Variants in CNTN4 observed in about 807,000 individuals in gnomAD.
CNTN4 encodes the protein contactin-4.
CNTN4 carries 77 observed loss-of-function variants against 122.5 expected under a neutral mutation model. That is an observed-to-expected ratio of 0.63 (90% confidence interval 0.52 to 0.76). The LOEUF (loss-of-function observed/expected upper bound fraction) is 0.76. Among genes scored for constraint, CNTN4 ranks in the 30% least tolerant of loss-of-function variants. The probability of loss-of-function intolerance (pLI) is 0.00; values close to 1 mark genes in which losing one functional copy is unlikely to be tolerated. For synonymous variants in CNTN4, 512 were observed against 447.0 expected, an observed-to-expected ratio of 1.15 and a Z score of -1.83; for missense variants, 1,256 against 1,259.1, an observed-to-expected ratio of 1.00 and a Z score of 0.04.
At chr3:2,257,161 C>G (rs986943323) in intron 2 of CNTN4, among the ~76,000 whole-genome samples, 9 of 152,212 alleles carry the variant, frequency 5.9e-5, no homozygotes, top group Admixed American at 2.0e-4. Flanking sequence ...TGATCTTTGA[C>G]TAACCTGAGA....
chr3:2,115,680 T>G, intron 2 of CNTN4, among the ~76,000 whole-genome samples: 1 of 152,182 alleles, frequency 6.6e-6, no homozygotes, highest in Admixed American at 6.5e-5. Flanking sequence ...TCTCTATTGG[T>G]TTTCAAGTTG....
intron 3 of CNTN4, among the ~76,000 whole-genome samples, chr3:2,448,844 T>C (rs1177697313): frequency 6.6e-6 from 1 of 152,100 alleles, no homozygotes; most frequent in African/African-American, 2.4e-5. Context: ...GCAGATTAAG[T>C]AAAAATGTAT....
chr3:2,256,482 C>T (rs1167354879), intron 2 of CNTN4, among the ~76,000 whole-genome samples: 1 of 152,190 alleles, frequency 6.6e-6, no homozygotes, highest in Middle Eastern at 3.4e-3. Context: ...GGCAGAGACA[C>T]AACAAAAAAA....
At chr3:2,575,293 C>T (rs905655274) in intron 4 of CNTN4, among the ~76,000 whole-genome samples, 1 of 152,032 alleles carries the variant, frequency 6.6e-6, no homozygotes, top group Admixed American at 6.6e-5. Context: ...GGGCGGACCA[C>T]TTAAGGCCAG....
intron 3 of CNTN4, among the ~76,000 whole-genome samples, chr3:2,371,301 G>C (rs1166459410): frequency 6.6e-6 from 1 of 152,098 alleles, no homozygotes; most frequent in African/African-American, 2.4e-5. Flanking sequence ...TTCTTTTGTA[G>C]CACTTATTCA....
chr3:2,724,624 G>A (rs979630001), intron 4 of CNTN4, among the ~76,000 whole-genome samples: 4 of 152,150 alleles, frequency 2.6e-5, no homozygotes, highest in Admixed American at 2.6e-4. Flanking sequence ...TACTTTAGCT[G>A]CCAAAGAGAC....
chr3:2,144,460 A>T (rs2035148929), intron 2 of CNTN4, among the ~76,000 whole-genome samples: 1 of 152,210 alleles, frequency 6.6e-6, no homozygotes. Flanking sequence ...CAAGCACTAG[A>T]GTGAAGAATT....
chr3:2,905,140 T>G (rs569433496), intron 12 of CNTN4, among the ~76,000 whole-genome samples: 1 of 152,204 alleles, frequency 6.6e-6, no homozygotes, highest in Non-Finnish European at 1.5e-5. Flanking sequence ...GTTCCAACTT[T>G]TACATTAAGG....
At chr3:2,950,518 G>A (rs1258603723) in intron 13 of CNTN4, among the ~76,000 whole-genome samples, 1 of 152,318 alleles carries the variant, frequency 6.6e-6, no homozygotes, top group South Asian at 2.1e-4. Context: ...ATCCAGATGA[G>A]GTTATTTGCT....
In CNTN4 at chr3:3,040,172, G is replaced by A. The variant is rs200039799; in HGVS notation, c.2299G>A (p.Val767Met). 2.9e-5 allele frequency: 47 copies of A among 1,614,138 alleles called. 1 individual carries two copies. Among genetic ancestry groups the A allele is most frequent in the South Asian group, 1.2e-4 (11 of 91,082 alleles). ...ASRYVFRNESVHPFSPFEVKV... is the reference protein window; with the variant it reads ...ASRYVFRNESMHPFSPFEVKV... ...TAGATACGTGTTCAGGAATGAGAGC[G>A]TGCACCCCTTCTCTCCCTTTGAGGT... Residue 767 changes from valine (V) to methionine (M), a missense_variant, in exon 20 of 25, where the codon GTG (valine) becomes ATG (methionine). Val to Met is a conservative substitution (Grantham distance 21). Coordinates refer to ENST00000418658, the MANE Select transcript of CNTN4 (RefSeq NM_175607.3).
In CNTN4 at chr3:2,606,302, GGGA is replaced by G. The variant is rs200196845; in HGVS notation, c.55+34749_55+34751del. On this transcript the variant is annotated intron_variant, in intron 4 of 24. Transcript: ENST00000418658. Reference sequence around the variant, plus strand: ...TATAACCTAATTTGTCTTTGACACAGGGAGGAGAACAACATACACTGGGGCCTG... The same window carrying G: ...TATAACCTAATTTGTCTTTGACACAGGGAGAACAACATACACTGGGGCCTG... Among the ~76,000 whole-genome samples the G allele has an allele frequency of 5.5e-3, 837 of 152,206 alleles. 4 individuals carry two copies. Among genetic ancestry groups the G allele is most frequent in the Non-Finnish European group, 9.9e-3 (671 of 68,014 alleles).
At chr3:2,968,255 G>A (rs1692531030) in intron 13 of CNTN4, among the ~76,000 whole-genome samples, 1 of 152,144 alleles carries the variant, frequency 6.6e-6, no homozygotes, top group Admixed American at 6.5e-5. Flanking sequence ...CTCTTCAAAA[G>A]TAAGATAAGT....
chr3:3,053,651 C>T lies in CNTN4; in HGVS notation c.2812-156C>T, dbSNP rs116048267. Among the ~76,000 whole-genome samples the T allele has an allele frequency of 1.5e-3, 227 of 152,298 alleles. 1 individual carries two copies. The highest frequency in any genetic ancestry group is 4.0e-3 in the African/African-American group (167 of 41,568). ...TAAAATGGTAGCTGCAGTCATGGCC[C>T]TCACTGCAAATGAGCCTTCCAAATG... On this transcript the variant is annotated intron_variant, in intron 23 of 24. Transcript: ENST00000418658.
chr3:2,294,451 C>T (rs2042236380), intron 2 of CNTN4, among the ~76,000 whole-genome samples: 2 of 151,908 alleles, frequency 1.3e-5, no homozygotes, highest in African/African-American at 4.8e-5. Context: ...GACAACATGG[C>T]GAAACCCAGT....
intron 3 of CNTN4, among the ~76,000 whole-genome samples, chr3:2,560,176 C>T (rs928422476): frequency 6.0e-5 from 9 of 151,176 alleles, no homozygotes; most frequent in Admixed American, 2.0e-4. Flanking sequence ...GTTTCACTCC[C>T]ATCACCCAGG....
intron 23 of CNTN4, among the ~76,000 whole-genome samples, chr3:3,052,480 C>A (rs1559840970): frequency 6.6e-6 from 1 of 152,150 alleles, no homozygotes; most frequent in Non-Finnish European, 1.5e-5. Context: ...TTCTAACATG[C>A]AGCCAGGACC....
intron 4 of CNTN4, among the ~76,000 whole-genome samples, chr3:2,608,451 C>T (rs78889806): frequency 0.011 from 1,574 of 146,566 alleles, 10 homozygotes; most frequent in Non-Finnish European, 0.014. Flanking sequence ...CATAGTGAGA[C>T]GCTGTCTGTT....
At chr3:2,259,601 G>A (rs986149130) in intron 2 of CNTN4, among the ~76,000 whole-genome samples, 1 of 152,148 alleles carries the variant, frequency 6.6e-6, no homozygotes, top group African/African-American at 2.4e-5. Context: ...ATGGCTGCAG[G>A]CAAGAGAGAA....
chr3:2,339,819 A>G (rs936709740), intron 3 of CNTN4, among the ~76,000 whole-genome samples: 16 of 152,348 alleles, frequency 1.1e-4, no homozygotes, highest in Middle Eastern at 6.8e-3. Flanking sequence ...ATGGAAACTT[A>G]TTCTCTCACA....
Sources: gnomAD v4.1 joint callset for allele counts (sites outside exome capture counted in the v4.1 genomes callset) on GRCh38, gnomAD v4.1.1 for gene constraint, MANE v1.5 for transcripts, NCBI Gene and HGNC (gene_info 2026-07-23, HGNC 2026-07-21) for gene names.